Variants in CELSR2 observed in about 807,000 individuals in gnomAD.
CELSR2 encodes the protein EGF-like protein 2.
In CELSR2, 81 loss-of-function variants were observed where a neutral mutation model predicts 251.6. That is an observed-to-expected ratio of 0.32 (90% CI 0.27 to 0.39). The LOEUF (loss-of-function observed/expected upper bound fraction) is 0.39, where lower values mean the gene tolerates loss of function less well. Ranked by LOEUF, CELSR2 falls within the 10% of genes least tolerant of loss-of-function variation. CELSR2 has a pLI of 1.00. For synonymous variants in CELSR2, 1,721 were observed against 1,670.5 expected (o/e 1.03, Z -0.74); for missense variants, 3,365 against 3,947.7 (o/e 0.85, Z 3.96).
Position 109,264,980 on chromosome 1 carries a change from A to G in CELSR2, c.5577A>G (p.Pro1859=), listed in dbSNP as rs1656147373. The G allele has an allele frequency of 6.2e-7, 1 of 1,614,192 alleles. No homozygotes were observed. Among genetic ancestry groups the G allele is most frequent in the Non-Finnish European group, 8.5e-7 (1 of 1,180,024 alleles). ...APHGYTCECP[P]NYLGPYCETR... ...ATGGCTATACCTGCGAGTGTCCCCCAAATTACCTTGGGCCATACTGTGAGA... is the reference window on the plus strand; with the variant it reads ...ATGGCTATACCTGCGAGTGTCCCCCGAATTACCTTGGGCCATACTGTGAGA... Residue 1859 remains proline, a synonymous_variant, in exon 12 of 34, where the codon CCA becomes CCG. Transcript: ENST00000271332.
rs762768908 is a variant in CELSR2 at position 109,270,067 on chromosome 1, C to T, written c.7242C>T (p.Asn2414=). Residue 2414 remains asparagine, a synonymous_variant, in exon 23 of 34, where the codon AAC becomes AAT. Coordinates refer to ENST00000271332, the MANE Select transcript of CELSR2 (RefSeq NM_001408.3). ...LRSNQHGIRR[N]LTAALGLAQL... ...CCAACCAACACGGCATCCGACGTAA[C>T]CTGACAGCTGCCCTGGGCCTGGCTC... 2 of 1,614,176 alleles carry T rather than the reference C, an allele frequency of 1.2e-6. No individual in the cohort carries two copies. The highest frequency in any genetic ancestry group is 1.7e-6 in the Non-Finnish European group (2 of 1,180,026).
chr1:109,260,855 A>C (rs80115741), intron 2 of CELSR2, among the ~76,000 whole-genome samples, 187 bp from the exon 3 acceptor site: 19 of 152,250 alleles, frequency 1.2e-4, no homozygotes, highest in African/African-American at 4.6e-4. Flanking sequence ...CAGGGTGCCC[A>C]TGAAGGGCTG....
At chr1:109,263,464 G>A (rs766643155) in intron 8 of CELSR2, 147 bp from the exon 9 acceptor site, 60 of 1,367,790 alleles carry the variant, frequency 4.4e-5, no homozygotes, top group Non-Finnish European at 5.5e-5. Context: ...AGCGTGGGGC[G>A]GTCCCAGGGC....
In CELSR2 at chr1:109,270,913, T is replaced by C; in HGVS notation, c.7484-14T>C. On this transcript the variant is annotated splice_polypyrimidine_tract_variant and intron_variant, in intron 24 of 33. Transcript: ENST00000271332. ...ATCACCCCTCCACTGCTCCCGTCTG[T>C]CTCCATGCTCCAGGGCTAGCCGTGG... 6.3e-7 allele frequency: 1 copy of C among 1,596,346 alleles called. No homozygotes were observed. The highest frequency in any genetic ancestry group is 1.7e-5 in the Admixed American group (1 of 59,046).
intron 15 of CELSR2, 192 bp downstream of exon 15, chr1:109,266,398 CTGTTT>C (rs1287682606): frequency 9.1e-6 from 6 of 661,766 alleles, no homozygotes; most frequent in East Asian, 2.9e-5. Context: ...ACATCTTGGA[CTGTTT>C]TGTTTTGTTT....
rs369118525 is a variant in CELSR2 at position 109,273,245 on chromosome 1, C to A, written c.8418C>A (p.Ala2806=). The change falls in exon 32 of 34, where the codon GCC becomes GCA. Residue 2806 remains alanine, a synonymous_variant. Transcript: ENST00000271332. ...TTAKESSGNG[A]PEERLRENGD... ...CAAAAGAGAGTAGTGGCAACGGGGC[C>A]CCTGAGGAGCGGCTGCGGGAGAATG... 6.2e-7 allele frequency: 1 copy of A among 1,612,786 alleles called. No individual in the cohort carries two copies. Among genetic ancestry groups the A allele is most frequent in the Non-Finnish European group, 8.5e-7 (1 of 1,179,462 alleles).
Position 109,264,320 on chromosome 1 carries a change from T to C in CELSR2, c.5244T>C (p.Pro1748=), listed in dbSNP as rs374727373. 5 of 1,612,770 alleles carry C rather than the reference T, an allele frequency of 3.1e-6. No homozygotes were observed. Among genetic ancestry groups the C allele is most frequent in the Non-Finnish European group, 4.2e-6 (5 of 1,179,088 alleles). The part of the protein sequence containing the change: ...HLSNITVGGI[P]GPAGGVARGF... The stretch of plus-strand genomic sequence containing the variant: ...GCAACATAACAGTGGGCGGAATACC[T>C]GGGCCAGCCGGCGGTGTGGCCCGTG... Residue 1748 remains proline, a synonymous_variant, in exon 10 of 34, where the codon CCT becomes CCC. Transcript: ENST00000271332.
Position 109,271,512 on chromosome 1 carries a change from G to T in CELSR2, c.7803G>T (p.Gln2601His). ...TCTTTGCTACCTGCAATTGCATCCA[G>T]GTACCTGGCCCAGCCTGTGGAGAAG... ...HYLFATCNCI[Q>H]GPFIFLSYVV... The change falls in exon 27 of 34, where the codon CAG becomes CAT. Residue 2601 changes from glutamine (Q) to histidine (H), a missense_variant and splice_region_variant. Gln to His is a conservative substitution (Grantham distance 24, BLOSUM62 0). Coordinates refer to ENST00000271332, the MANE Select transcript of CELSR2 (RefSeq NM_001408.3). The T allele has an allele frequency of 6.2e-7, 1 of 1,614,178 alleles. No homozygotes were observed. The highest frequency in any genetic ancestry group is 8.5e-7 in the Non-Finnish European group (1 of 1,180,042).
At position 109,258,906 on chromosome 1, in the gene CELSR2, T is replaced by C; in HGVS notation, c.3785T>C (p.Leu1262Pro). 1.2e-6 allele frequency: 2 copies of C among 1,612,582 alleles called. No individual in the cohort carries two copies. The highest frequency in any genetic ancestry group is 1.7e-6 in the Non-Finnish European group (2 of 1,179,538). Residue 1262 changes from leucine (L) to proline (P), a missense_variant, in exon 2 of 34, where the codon CTC becomes CCC. Physicochemically the swap from Leu to Pro is moderately conservative, Grantham distance 98. Coordinates refer to ENST00000271332, the MANE Select transcript of CELSR2 (RefSeq NM_001408.3). ...CCCTTCATCGCCTCCTCCTCCGTGC[T>C]CTTCCGGCCCATCCACCCCGTCGGA... is the stretch of plus-strand genomic sequence containing the variant. ...SAPFIASSSV[L>P]FRPIHPVGGL...
chr1:109,272,448 C>A, intron 29 of CELSR2, 43 bp downstream of exon 29: 1 of 1,581,646 alleles, frequency 6.3e-7, no homozygotes, highest in East Asian at 2.3e-5. Context: ...GAGGAGGGGC[C>A]CACGCATGCT....
At chr1:109,257,644 G>A (rs1289784048) in intron 1 of CELSR2, among the ~76,000 whole-genome samples, 2 of 152,182 alleles carry the variant, frequency 1.3e-5, no homozygotes, top group Non-Finnish European at 2.9e-5. Flanking sequence ...GACCAGAGAA[G>A]AGACTGACTC....
rs762245662 is a variant in CELSR2 at position 109,253,222 on chromosome 1, G to A, written c.3143G>A (p.Arg1048Gln). The A allele has an allele frequency of 1.9e-6, 3 of 1,613,376 alleles. No individual in the cohort carries two copies. Among genetic ancestry groups the A allele is most frequent in the Admixed American group, 1.7e-5 (1 of 60,002 alleles). The change falls in exon 1 of 34, where the codon CGA (arginine) becomes CAA (glutamine). Residue 1048 changes from arginine (R) to glutamine (Q), a missense_variant. Coordinates refer to ENST00000271332, the MANE Select transcript of CELSR2 (RefSeq NM_001408.3). ...SSSFPGGAIG[R>Q]VPAHDPDISD... The stretch of plus-strand genomic sequence containing the variant: ...AGCTTCCCTGGGGGTGCCATTGGCC[G>A]AGTACCTGCCCATGACCCTGATATC...
chr1:109,274,139 G>T lies in CELSR2; in HGVS notation c.*90G>T. 1.2e-6 allele frequency: 2 copies of T among 1,606,752 alleles called. No homozygotes were observed. Among genetic ancestry groups the T allele is most frequent in the Non-Finnish European group, 8.5e-7 (1 of 1,177,568 alleles). ...CCTGTCTTGTGCTTTATCCTGCCCC[G>T]CTCCCCATCGCCTGCCCGCAGCAGC... On this transcript the variant is annotated 3_prime_UTR_variant, in exon 34 of 34. Coordinates refer to ENST00000271332, the MANE Select transcript of CELSR2 (RefSeq NM_001408.3).
At position 109,249,546 on chromosome 1, in the gene CELSR2, T is replaced by G. The variant is rs991537390; in HGVS notation, c.-534T>G. Among the ~76,000 whole-genome samples the G allele has an allele frequency of 1.3e-5, 2 of 149,960 alleles. No individual in the cohort carries two copies. Among genetic ancestry groups the G allele is most frequent in the African/African-American group, 4.9e-5 (2 of 40,998 alleles). On this transcript the variant is annotated 5_prime_UTR_variant, in exon 1 of 34. Coordinates refer to ENST00000271332, the MANE Select transcript of CELSR2 (RefSeq NM_001408.3). ...AGCCGCCGCCGCGACTCTGCAGAGC[T>G]CGCCCGCCCGCCGGGGAGGCGAGGG...
intron 15 of CELSR2, chr1:109,266,480 C>CCTG: frequency 3.1e-6 from 1 of 323,342 alleles, no homozygotes; most frequent in Non-Finnish European, 5.6e-6. Context: ...GTGGCGTGAT[C>CCTG]TCCGCTCGCT....
Position 109,262,373 on chromosome 1 carries a change from G to A in CELSR2, c.4473G>A (p.Val1491=). ...CCGTGGATGGCTGTGACACAGGAGT[G>A]GCCTTGCGCTTCGGATCTGTCCTGG... ...VVTVDGCDTG[V]ALRFGSVLGN... is the part of the protein sequence containing the mutation. The change falls in exon 6 of 34, where the codon GTG becomes GTA. Residue 1491 remains valine (V), a synonymous_variant. Transcript: ENST00000271332. 1 of 1,614,200 alleles carries A rather than the reference G, an allele frequency of 6.2e-7. No homozygotes were observed. Among genetic ancestry groups the A allele is most frequent in the Non-Finnish European group, 8.5e-7 (1 of 1,180,042 alleles).
Position 109,269,863 on chromosome 1 carries a change from C to G in CELSR2, c.7107+43C>G. 1 of 1,613,186 alleles carries G rather than the reference C, an allele frequency of 6.2e-7. No homozygotes were observed. The highest frequency in any genetic ancestry group is 2.2e-5 in the East Asian group (1 of 44,834). On this transcript the variant is annotated intron_variant, in intron 22 of 33. Transcript: ENST00000271332. This position sits in a 1 kb window ranked among gnomAD's most constrained non-coding sequence, Gnocchi z 6.4. ...AGCTGCAGAGCCGTGGGTGGGCACC[C>G]AGGGCACGGGGCTGGGTGCTCAGGT...
chr1:109,255,276 G>A lies in CELSR2; in HGVS notation c.3310+1887G>A, dbSNP rs114265147. Among the ~76,000 whole-genome samples, 793 of 152,230 alleles carry A rather than the reference G, an allele frequency of 5.2e-3. 11 individuals carry two copies. Among genetic ancestry groups the A allele is most frequent in the African/African-American group, 0.018 (754 of 41,550 alleles). Reference sequence around the variant, plus strand: ...CTTTCTTTCCCGCCCCTGCCCATGCGGAGCCCTGCAGCACTGCCTCTCTCC... The same window carrying A: ...CTTTCTTTCCCGCCCCTGCCCATGCAGAGCCCTGCAGCACTGCCTCTCTCC... On this transcript the variant is annotated intron_variant, in intron 1 of 33. Coordinates refer to ENST00000271332, the MANE Select transcript of CELSR2 (RefSeq NM_001408.3).
rs1656143597 is a variant in CELSR2 at position 109,264,837 on chromosome 1, G to A, written c.5465-31G>A. 3.1e-6 allele frequency: 5 copies of A among 1,613,868 alleles called. No individual in the cohort carries two copies. In the South Asian group the frequency reaches 5.5e-5, roughly 18 times the overall value. ...AAGATGGTGCCAGGGGAGGGTGGGGGAATGAGCCTCTCTGGTCCTTCTGGT... is the reference window on the plus strand; with the variant it reads ...AAGATGGTGCCAGGGGAGGGTGGGGAAATGAGCCTCTCTGGTCCTTCTGGT... On this transcript the variant is annotated intron_variant, in intron 11 of 33. Transcript: ENST00000271332.
Sources: allele counts gnomAD v4.1 joint callset (sites outside exome capture counted in the v4.1 genomes callset), GRCh38; gene constraint gnomAD v4.1.1; non-coding constraint Gnocchi (gnomAD v3.1); transcripts MANE v1.5; gene names NCBI Gene and HGNC (gene_info 2026-07-23, HGNC 2026-07-21).